Variants in TEX9 observed in about 807,000 individuals in gnomAD.
TEX9 encodes the protein testis expressed 9, also known as testis-expressed protein 9.
In TEX9, 74 loss-of-function variants were observed where a neutral mutation model predicts 59.6. That is an observed-to-expected ratio of 1.24 (90% confidence interval 1.03 to 1.51). TEX9 has a LOEUF of 1.51. TEX9 is among the 40% of genes most tolerant of loss of function. The probability of loss-of-function intolerance (pLI) is 0.00; values close to 1 mark genes in which losing one functional copy is unlikely to be tolerated. For synonymous variants in TEX9, 186 were observed against 152.2 expected (o/e 1.22, Z -1.64); for missense variants, 522 against 447.8 (o/e 1.17, Z -1.49).
chr15:56,268,130 GT>G (rs2044433565), intron 1 of TEX9, among the ~76,000 whole-genome samples: 1 of 152,116 alleles, frequency 6.6e-6, no homozygotes, highest in Non-Finnish European at 1.5e-5. Context: ...CTGTTTGTCT[GT>G]TATTGGTGTA....
intron 10 of TEX9, among the ~76,000 whole-genome samples, chr15:56,420,945 CT>C (rs1227834366): frequency 2.0e-5 from 3 of 151,486 alleles, no homozygotes; most frequent in East Asian, 1.9e-4. Flanking sequence ...TTTATGGATA[CT>C]TTTTTTTGGC....
At chr15:56,245,091 T>G (rs955586237) in intron 1 of TEX9, among the ~76,000 whole-genome samples, 5 of 152,172 alleles carry the variant, frequency 3.3e-5, no homozygotes, top group Admixed American at 6.5e-5. Flanking sequence ...CTGGCCACTT[T>G]CCTGCTGTGT....
rs1160104288 is a variant in TEX9, at chr15:56,269,899, G to A, written c.-107+25621G>A. Among the ~76,000 whole-genome samples, 22 of 151,960 alleles carry A rather than the reference G, an allele frequency of 1.4e-4. 1 individual carries two copies. Among genetic ancestry groups the A allele is most frequent in the Middle Eastern group, 3.4e-3 (1 of 294 alleles). ...TCTCAAACTCCTGACCTTGTGATCCGCCCACCTCGGCCTCCCAAAGTGCTG... is the reference window on the plus strand; with the variant it reads ...TCTCAAACTCCTGACCTTGTGATCCACCCACCTCGGCCTCCCAAAGTGCTG... On this transcript the variant is annotated intron_variant, in intron 1 of 5. Coordinates refer to the TEX9 transcript ENST00000560827.
chr15:56,337,080 C>A (rs1413824361), intron 1 of TEX9, among the ~76,000 whole-genome samples: 1 of 152,046 alleles, frequency 6.6e-6, no homozygotes, highest in Non-Finnish European at 1.5e-5. Flanking sequence ...GATAACTTAC[C>A]CTGGATTCTA....
chr15:56,413,274 A>ATTTAATT (rs1422805190), intron 10 of TEX9, among the ~76,000 whole-genome samples: 178 of 7,410 alleles, frequency 0.024, no homozygotes, highest in Middle Eastern at 0.17. Flanking sequence ...ATAATTTAAT[A>ATTTAATT]ATTAAATAAT....
the TEX9 span, among the ~76,000 whole-genome samples, chr15:56,452,200 C>G: frequency 6.6e-6 from 1 of 152,122 alleles, no homozygotes; most frequent in Admixed American, 6.5e-5. Flanking sequence ...TAGTTATACT[C>G]ACGGCTATGA....
At chr15:56,295,249 C>T (rs1274097177) in intron 1 of TEX9, among the ~76,000 whole-genome samples, 1 of 152,008 alleles carries the variant, frequency 6.6e-6, no homozygotes, top group Non-Finnish European at 1.5e-5. Context: ...GTATAAACAC[C>T]TTGTAGGATT....
chr15:56,272,132 A>C (rs1358390091), intron 1 of TEX9, among the ~76,000 whole-genome samples: 1 of 141,722 alleles, frequency 7.1e-6, no homozygotes, highest in Non-Finnish European at 1.6e-5. Context: ...TGACAGAGCA[A>C]CATTCCATCT....
At chr15:56,378,850 G>T (rs1370359723) in intron 3 of TEX9, among the ~76,000 whole-genome samples, 2 of 152,012 alleles carry the variant, frequency 1.3e-5, no homozygotes, top group Non-Finnish European at 2.9e-5. Flanking sequence ...TGACTCACTT[G>T]AACCCAGAAG....
At chr15:56,358,312 T>C (rs776955250) in intron 1 of TEX9, among the ~76,000 whole-genome samples, 1 of 151,894 alleles carries the variant, frequency 6.6e-6, no homozygotes, top group Non-Finnish European at 1.5e-5. Context: ...TCTCCTACTT[T>C]CTTCAAGTTC....
intron 10 of TEX9, among the ~76,000 whole-genome samples, chr15:56,421,967 C>T (rs1436233574): frequency 1.3e-5 from 2 of 151,006 alleles, no homozygotes; most frequent in East Asian, 1.9e-4. Context: ...TTTATAGTCC[C>T]TTGGGTATAT....
chr15:56,434,540 T>C, intron 12 of TEX9: 2 of 877,852 alleles, frequency 2.3e-6, no homozygotes, highest in Non-Finnish European at 3.4e-6. Flanking sequence ...GATAACTTTG[T>C]CCATCCCTTT....
intron 9 of TEX9, chr15:56,397,050 A>C (rs1276833222): frequency 5.9e-5 from 9 of 152,852 alleles, no homozygotes; most frequent in Non-Finnish European, 8.8e-5. Flanking sequence ...TGGAGGGCTC[A>C]GAAAAATACA....
chr15:56,414,362 A>G (rs1450001276), intron 10 of TEX9, among the ~76,000 whole-genome samples: 1 of 151,630 alleles, frequency 6.6e-6, no homozygotes, highest in African/African-American at 2.4e-5. Flanking sequence ...CCAGTACTCA[A>G]TAGTTATCTC....
At chr15:56,458,354 A>G in the TEX9 span, among the ~76,000 whole-genome samples, 21 of 152,214 alleles carry the variant, frequency 1.4e-4, no homozygotes, top group African/African-American at 5.1e-4. Context: ...GAGTTCCCAT[A>G]TATTCCCTGT....
intron 2 of TEX9, among the ~76,000 whole-genome samples, chr15:56,366,790 A>G (rs1302259321): frequency 2.0e-5 from 3 of 152,238 alleles, no homozygotes; most frequent in Non-Finnish European, 4.4e-5. Flanking sequence ...CATATGATCT[A>G]TAAGCATATT....
chr15:56,373,616 C>A lies in TEX9; in HGVS notation c.183+112C>A, dbSNP rs558722384. The A allele has an allele frequency of 2.2e-4, 177 of 795,144 alleles. No homozygotes were observed. The African/African-American group carries it at 3.1e-3, about 14-fold the overall frequency. 49.3% of individuals were successfully genotyped at this position (795,144 alleles called of 1,614,324 possible). A position where few individuals can be genotyped will look rare whatever the true frequency, so the allele number is the denominator to read the frequency against. On this transcript the variant is annotated intron_variant, in intron 3 of 12. Transcript: ENST00000352903. ...CTAGCCAAAGCATGTGTGTTCAGTT[C>A]AATGAATTATTACAAATTGAACATG...
intron 1 of TEX9, among the ~76,000 whole-genome samples, chr15:56,306,761 T>G (rs1271377508): frequency 6.6e-5 from 10 of 152,186 alleles, no homozygotes; most frequent in Non-Finnish European, 1.5e-4. Context: ...AATTGGAATG[T>G]TTGTAACATA....
intron 1 of TEX9, 28 bp downstream of exon 1, chr15:56,365,505 G>A (rs765606048): frequency 5.6e-6 from 9 of 1,614,110 alleles, no homozygotes; most frequent in Non-Finnish European, 7.6e-6. Flanking sequence ...CTCCTGGGGA[G>A]CGTCTGGGTT....
Sources: gnomAD v4.1 joint callset for allele counts (sites outside exome capture counted in the v4.1 genomes callset) on GRCh38, gnomAD v4.1.1 for gene constraint, MANE v1.5 for transcripts, NCBI Gene and HGNC (gene_info 2026-07-23, HGNC 2026-07-21) for gene names.